RBM27: variants seen among roughly 807,000 people sequenced by gnomAD.
The protein encoded by RBM27 is RNA binding motif protein 27.
A neutral mutation model predicts 135.3 loss-of-function variants in RBM27; 22 were observed. The observed-to-expected ratio is 0.16, with a 90% CI of 0.12 to 0.23. The LOEUF is 0.23. RBM27 is among the 10% of genes least tolerant of loss of function. The probability of loss-of-function intolerance (pLI) is 1.00; values close to 1 mark genes in which losing one functional copy is unlikely to be tolerated. For synonymous variants in RBM27, 481 were observed against 442.4 expected (o/e 1.09, Z -1.10); for missense variants, 1,009 against 1,281.0 (o/e 0.79, Z 3.24).
intron 8 of RBM27, among the ~76,000 whole-genome samples, chr5:146,244,462 A>C (rs1315398556): frequency 6.6e-6 from 1 of 152,196 alleles, no homozygotes; most frequent in Non-Finnish European, 1.5e-5. Flanking sequence ...TGTGTTTGGA[A>C]TTTTGTGTAA....
intron 3 of RBM27, among the ~76,000 whole-genome samples, 178 bp from the exon 4 acceptor site, chr5:146,228,768 C>A (rs1403980453): frequency 6.6e-6 from 1 of 151,992 alleles, no homozygotes; most frequent in Non-Finnish European, 1.5e-5. Flanking sequence ...CCATGCCCAG[C>A]TAACTTATTT....
At chr5:146,228,278 C>CTTTTTTT (rs201464624) in intron 3 of RBM27, among the ~76,000 whole-genome samples, 2 of 116,860 alleles carry the variant, frequency 1.7e-5, no homozygotes, top group African/African-American at 3.5e-5. Context: ...AGGGACCATT[C>CTTTTTTT]TTTCTTTTTT....
chr5:146,268,356 C>T (rs1200603114), intron 15 of RBM27, among the ~76,000 whole-genome samples: 1 of 151,738 alleles, frequency 6.6e-6, no homozygotes, highest in Non-Finnish European at 1.5e-5. Flanking sequence ...GATTCTCCTG[C>T]CTCAGCCTCC....
At chr5:146,257,761 T>G (rs991490001) in intron 10 of RBM27, among the ~76,000 whole-genome samples, 6 of 152,186 alleles carry the variant, frequency 3.9e-5, no homozygotes, top group Admixed American at 3.9e-4. Context: ...TGGTGCTAAG[T>G]TTGATTGCTT....
rs899343561 is a variant in RBM27 at position 146,288,517 on chromosome 5, C to G, written c.*2487C>G. On this transcript the variant is annotated 3_prime_UTR_variant, in exon 21 of 21. Transcript: ENST00000265271. ...ATAGTTTATATATATCCCCTGCCCC[C>G]TTTGGGATTTACTTCCACCATCAAA... 11 of 152,064 alleles carry G rather than the reference C, an allele frequency of 7.2e-5. No individual in the cohort carries two copies. Among genetic ancestry groups the G allele is most frequent in the Non-Finnish European group, 1.5e-5 (1 of 67,948 alleles). 9.4% of individuals were successfully genotyped at this position (152,064 alleles called of 1,614,324 possible).
At chr5:146,228,651 G>A (rs1374220748) in intron 3 of RBM27, among the ~76,000 whole-genome samples, 3 of 151,898 alleles carry the variant, frequency 2.0e-5, no homozygotes, top group Non-Finnish European at 4.4e-5. Context: ...TCCAGCCTGT[G>A]GTGCAGTGGT....
chr5:146,243,455 T>G (rs1161774513), intron 8 of RBM27, among the ~76,000 whole-genome samples: 1 of 152,178 alleles, frequency 6.6e-6, no homozygotes, highest in African/African-American at 2.4e-5. Flanking sequence ...AATTACTTAC[T>G]CATTGAAGCA....
At chr5:146,207,658 C>CT (rs1224104910) in intron 1 of RBM27, among the ~76,000 whole-genome samples, 4,387 of 128,956 alleles carry the variant, frequency 0.034, 104 homozygotes, top group Non-Finnish European at 0.046. Flanking sequence ...GGAGATATTT[C>CT]TTTTTTTTTT....
chr5:146,231,643 G>T (rs1022452490), intron 6 of RBM27, among the ~76,000 whole-genome samples: 2 of 151,254 alleles, frequency 1.3e-5, no homozygotes, highest in African/African-American at 2.4e-5. Flanking sequence ...TTTTGGAGAC[G>T]GACTTGCTCT....
At chr5:146,214,634 A>T (rs942533787) in intron 1 of RBM27, among the ~76,000 whole-genome samples, 3 of 152,196 alleles carry the variant, frequency 2.0e-5, no homozygotes, top group African/African-American at 7.2e-5. Flanking sequence ...AAAGTCTAGA[A>T]AATTACAGCA....
chr5:146,258,440 T>C lies in RBM27; in HGVS notation c.1595-9T>C, dbSNP rs1359475961. On this transcript the variant is annotated splice_polypyrimidine_tract_variant and intron_variant, in intron 10 of 20. Coordinates refer to ENST00000265271, the MANE Select transcript of RBM27 (RefSeq NM_018989.2). The stretch of plus-strand genomic sequence containing the variant: ...AAAACTCAGTAATTTCAATTTTTTT[T>C]TCCAACAGCTGCTAACATTGTGATC... 2 of 1,533,284 alleles carry C rather than the reference T, an allele frequency of 1.3e-6. No individual in the cohort carries two copies. The highest frequency in any genetic ancestry group is 1.8e-6 in the Non-Finnish European group (2 of 1,142,404). 95.0% of individuals were successfully genotyped at this position (1,533,284 alleles called of 1,614,324 possible).
At chr5:146,219,200 A>G in intron 2 of RBM27, 97 bp downstream of exon 2, 1 of 780,304 alleles carries the variant, frequency 1.3e-6, no homozygotes, top group Non-Finnish European at 2.1e-6. Context: ...TAGGAAAGAA[A>G]GTAGTCAGAG....
At chr5:146,277,119 A>C (rs1581241122) in intron 19 of RBM27, among the ~76,000 whole-genome samples, 1 of 152,218 alleles carries the variant, frequency 6.6e-6, no homozygotes, top group Non-Finnish European at 1.5e-5. Context: ...AAACTGCTGT[A>C]ATTTTTTCTC....
In RBM27 at chr5:146,271,138, C is replaced by T. The variant is rs778399914; in HGVS notation, c.2796+80C>T. ...TCCTTTGACCGGGCGCGGTGGCTCA[C>T]GCCTGTAATCTCAGCACTTTGGGAG... On this transcript the variant is annotated intron_variant, in intron 18 of 20. Transcript: ENST00000265271. 1.2e-4 allele frequency: 125 copies of T among 1,006,136 alleles called. 1 individual carries two copies. The highest frequency in any genetic ancestry group is 1.7e-4 in the Non-Finnish European group (112 of 661,384). The allele number at this position is 1,006,136 out of a possible 1,614,324, so 62.3% of individuals were successfully genotyped here. A position where few individuals can be genotyped will look rare whatever the true frequency, so the allele number is the denominator to read the frequency against.
chr5:146,282,000 CTTTTTTTTTT>C (rs777368235), intron 19 of RBM27, among the ~76,000 whole-genome samples: 1 of 101,480 alleles, frequency 9.9e-6, no homozygotes, highest in East Asian at 2.7e-4. Flanking sequence ...TATTTTTCAT[CTTTTTTTTTT>C]TTTTTTTTTT....
chr5:146,220,489 AATATAT>A (rs34220307), intron 2 of RBM27, among the ~76,000 whole-genome samples: 3 of 104,934 alleles, frequency 2.9e-5, no homozygotes, highest in African/African-American at 6.1e-5. Context: ...AAAAAAAAAA[AATATAT>A]ATATATATAT....
At chr5:146,205,348 TGAAA>T (rs1755588442) in intron 1 of RBM27, among the ~76,000 whole-genome samples, 1 of 152,134 alleles carries the variant, frequency 6.6e-6, no homozygotes, top group Non-Finnish European at 1.5e-5. Context: ...GCTTTCTGCT[TGAAA>T]GAAAGGGGTA....
chr5:146,212,639 C>T (rs1316457208), intron 1 of RBM27, among the ~76,000 whole-genome samples: 1 of 152,184 alleles, frequency 6.6e-6, no homozygotes, highest in Non-Finnish European at 1.5e-5. Context: ...CAGGCATGAG[C>T]CACTGTGCCT....
At chr5:146,258,047 G>T (rs1479599154) in intron 10 of RBM27, among the ~76,000 whole-genome samples, 1 of 152,046 alleles carries the variant, frequency 6.6e-6, no homozygotes, top group East Asian at 1.9e-4. Flanking sequence ...TCGAACTCCC[G>T]ACCTCAGGTG....
Sources: gnomAD v4.1 joint callset for allele counts (sites outside exome capture counted in the v4.1 genomes callset) on GRCh38, gnomAD v4.1.1 for gene constraint, MANE v1.5 for transcripts, NCBI Gene and HGNC (gene_info 2026-07-23, HGNC 2026-07-21) for gene names.